The following TNC variants were observed in gnomAD, a reference collection of about 807,000 sequenced individuals.
TNC encodes the protein tenascin.
A neutral mutation model predicts 202.4 loss-of-function variants in TNC; 109 were observed. That is an observed-to-expected ratio of 0.54 (90% CI 0.46 to 0.63). The LOEUF is 0.63. Ranked by LOEUF, TNC falls within the 30% of genes least tolerant of loss-of-function variation. The pLI, the probability that TNC is intolerant of heterozygous loss-of-function variation, is 0.00. For missense variants in TNC, 2,756 were observed against 2,833.3 expected (o/e 0.97, Z 0.62); for synonymous variants, 1,007 against 1,089.7 (o/e 0.92, Z 1.50).
chr9:115,033,349 T>C (rs1034483367), intron 22 of TNC, among the ~76,000 whole-genome samples: 1 of 152,200 alleles, frequency 6.6e-6, no homozygotes, highest in Non-Finnish European at 1.5e-5. Flanking sequence ...AAAGATCAAC[T>C]GTCAGGGATA....
At chr9:115,109,502 C>G (rs913485011) in intron 1 of TNC, among the ~76,000 whole-genome samples, 1 of 152,190 alleles carries the variant, frequency 6.6e-6, no homozygotes, top group Non-Finnish European at 1.5e-5. Flanking sequence ...GTGAGCTTCT[C>G]CATGTCCTAA....
At position 115,095,588 on chromosome 9, in the gene TNC, ATATATATG is replaced by A. The variant is rs1564139018; in HGVS notation, c.-136-4442_-136-4435del. Reference sequence around the variant, plus strand: ...TATGTATATATATGTATATATATGTATATATATGTATATATATATGTATATATGTATAT... The same window carrying A: ...TATGTATATATATGTATATATATGTATATATATATATGTATATATGTATAT... On this transcript the variant is annotated intron_variant, in intron 1 of 27. Transcript: ENST00000350763. Among the ~76,000 whole-genome samples the A allele has an allele frequency of 5.5e-4, 2 of 3,638 alleles. 1 individual carries two copies. Among genetic ancestry groups the A allele is most frequent in the African/African-American group, 8.4e-4 (2 of 2,384 alleles). The allele number at this position is 3,638 out of a possible 152,430, so 2.4% of individuals were successfully genotyped here.
rs1395818550 is a variant in TNC, at chr9:115,073,573, G to C, written c.3214+30C>G. 2.5e-6 allele frequency: 4 copies of C among 1,599,436 alleles called. No homozygotes were observed. The South Asian group carries it at 4.4e-5, about 18-fold the overall frequency. On this transcript the variant is annotated intron_variant, in intron 10 of 27. Transcript: ENST00000350763. ...ATCTGCTAACCTCAGAATCAACCTA[G>C]AGTTTGGAGGAAGCTCAGGGCAGAC...
chr9:115,070,703 A>G (rs562763204), intron 10 of TNC, among the ~76,000 whole-genome samples: 1 of 152,364 alleles, frequency 6.6e-6, no homozygotes, highest in African/African-American at 2.4e-5. Context: ...GGCGCCTGGC[A>G]GGCTTCTGCT....
At chr9:115,038,424 A>G in intron 19 of TNC, 44 bp from the exon 20 acceptor site, 2 of 1,606,908 alleles carry the variant, frequency 1.2e-6, no homozygotes, top group South Asian at 2.2e-5. Flanking sequence ...ATTGGGTGGG[A>G]CATCAGACTC....
chr9:115,113,154 C>T (rs1417470533), intron 1 of TNC, among the ~76,000 whole-genome samples: 2 of 129,558 alleles, frequency 1.5e-5, no homozygotes, highest in African/African-American at 5.6e-5. Flanking sequence ...AACACCAGGG[C>T]CAAAAAGACA....
At chr9:115,042,115 T>G (rs1281437593) in intron 18 of TNC, 104 bp downstream of exon 18, 11 of 1,467,348 alleles carry the variant, frequency 7.5e-6, no homozygotes, top group African/African-American at 1.4e-5. Flanking sequence ...GAATTCATTT[T>G]CTTTGATCAT....
chr9:115,027,347 T>C (rs1001960618), intron 25 of TNC, among the ~76,000 whole-genome samples: 4 of 151,872 alleles, frequency 2.6e-5, no homozygotes, highest in African/African-American at 4.8e-5. Flanking sequence ...CCCCACACTT[T>C]GGGAGGCCAA....
intron 16 of TNC, among the ~76,000 whole-genome samples, chr9:115,048,003 T>C (rs1260414678): frequency 6.6e-6 from 1 of 152,158 alleles, no homozygotes; most frequent in East Asian, 1.9e-4. Flanking sequence ...ACAAGAGCTA[T>C]GGACAAGACA....
At chr9:115,064,516 T>G in intron 11 of TNC, 131 bp downstream of exon 11, 1 of 1,180,768 alleles carries the variant, frequency 8.5e-7, no homozygotes, top group African/African-American at 1.5e-5. Flanking sequence ...GATGGCCTCG[T>G]GTCACAATTA....
At chr9:115,072,973 GAATGGACACAAGTTGCATGGGCCA>G (rs1833571488) in intron 10 of TNC, among the ~76,000 whole-genome samples, 1 of 152,126 alleles carries the variant, frequency 6.6e-6, no homozygotes, top group South Asian at 2.1e-4. Context: ...GCATGGGCCA[GAATGGACACAAGTTGCATGGGCCA>G]CAATGTCAGG....
In TNC at chr9:115,076,551, C is replaced by G; in HGVS notation, c.2699G>C (p.Arg900Pro). 1 of 1,614,154 alleles carries G rather than the reference C, an allele frequency of 6.2e-7. No homozygotes were observed. The highest frequency in any genetic ancestry group is 8.5e-7 in the Non-Finnish European group (1 of 1,180,034). Residue 900 changes from arginine (R) to proline (P), a missense_variant, in exon 8 of 28, where the codon CGA (arginine) becomes CCA (proline). Arg to Pro is a moderately radical substitution (Grantham distance 103, BLOSUM62 -2). Transcript: ENST00000350763. ...GCTGTTATCTGTCTGGGAAACACGT[C>G]GAAGATTCCTGGGAGCATCGAGGCC... ...TTGLDAPRNL[R>P]RVSQTDNSIT...
intron 17 of TNC, among the ~76,000 whole-genome samples, chr9:115,044,438 C>A (rs1831022815): frequency 6.6e-6 from 1 of 151,220 alleles, no homozygotes; most frequent in South Asian, 2.1e-4. Context: ...CGCATGGGCA[C>A]CTCTCTTTGG....
chr9:115,082,641 C>T lies in TNC; in HGVS notation c.2247+51G>A, dbSNP rs754623409. The T allele has an allele frequency of 1.6e-5, 22 of 1,375,350 alleles. No individual in the cohort carries two copies. In the Admixed American group the frequency reaches 3.8e-4, roughly 23 times the overall value. 85.2% of individuals were successfully genotyped at this position (1,375,350 alleles called of 1,614,324 possible). On this transcript the variant is annotated intron_variant, in intron 5 of 27. Coordinates refer to ENST00000350763, the MANE Select transcript of TNC (RefSeq NM_002160.4). The stretch of plus-strand genomic sequence containing the variant: ...ACAGAAGTCTTCAGAACCCTTTGGT[C>T]ATCTTTCAAATCCTTGAGATCAAAT...
At chr9:115,046,360 G>C in intron 17 of TNC, 50 bp downstream of exon 17, 1 of 1,592,582 alleles carries the variant, frequency 6.3e-7, no homozygotes, top group Non-Finnish European at 8.6e-7. Context: ...GTGAGAAGAA[G>C]ACCCCTGAGT....
At chr9:115,068,956 T>C (rs1306146009) in intron 10 of TNC, among the ~76,000 whole-genome samples, 2 of 152,204 alleles carry the variant, frequency 1.3e-5, no homozygotes, top group Non-Finnish European at 2.9e-5. Context: ...ACAGATAAGC[T>C]ACAGTGTTAT....
intron 6 of TNC, among the ~76,000 whole-genome samples, chr9:115,080,257 T>C (rs529096402): frequency 2.0e-4 from 31 of 152,208 alleles, no homozygotes; most frequent in Non-Finnish European, 3.2e-4. Flanking sequence ...AAAAGTTCAG[T>C]GCACCTCCTC....
rs1042390571 is a variant in TNC at position 115,064,670 on chromosome 9, A to G, written c.3464T>C (p.Val1155Ala). ...ACCTGTGGAGGCCTCAGCAGAGAGC[A>G]CTGGTGTTCTATAGCCCTGGATCAC... ...YGVIQGYRTPVLSAEASTGET... is the reference protein window; with the variant it reads ...YGVIQGYRTPALSAEASTGET... The change falls in exon 11 of 28, where the codon GTG (valine) becomes GCG (alanine). Residue 1155 changes from valine to alanine, a missense_variant. Around this residue, in one of 2 missense-constraint regions of TNC, gnomAD observed 2,559 missense variants for 2,546.0 expected, o/e 1.01. Transcript: ENST00000350763. The G allele has an allele frequency of 5.0e-6, 8 of 1,612,280 alleles. No homozygotes were observed. The Admixed American group carries it at 1.3e-4, about 27-fold the overall frequency.
At position 115,090,601 on chromosome 9, in the gene TNC, A is replaced by G. The variant is rs866205000; in HGVS notation, c.418T>C (p.Cys140Arg). 3.8e-6 allele frequency: 6 copies of G among 1,598,100 alleles called. No homozygotes were observed. In the Middle Eastern group the frequency reaches 5.0e-4, roughly 133 times the overall value. Residue 140 changes from cysteine (C) to arginine (R), a missense_variant, in exon 2 of 28, where the codon TGT becomes CGT. Around this residue, in one of 2 missense-constraint regions of TNC, gnomAD observed 2,559 missense variants for 2,546.0 expected, o/e 1.01. Coordinates refer to ENST00000350763, the MANE Select transcript of TNC (RefSeq NM_002160.4). ...ENLVSSLREQ[C>R]TAGAGCCLQP... is the part of the protein sequence containing the mutation. ...AGACAGCAGCCTGCTCCTGCAGTAC[A>G]TTGCTCCCTCAGGGAAGACACCAGG...
Sources: gnomAD v4.1 joint callset for allele counts (sites outside exome capture counted in the v4.1 genomes callset) on GRCh38, gnomAD v4.1.1 for gene constraint, gnomAD v4.1.1 regional missense constraint, MANE v1.5 for transcripts, NCBI Gene and HGNC (gene_info 2026-07-23, HGNC 2026-07-21) for gene names.